RALGPS1: variants seen among roughly 807,000 people sequenced by gnomAD.
The protein encoded by RALGPS1 is ras-specific guanine nucleotide-releasing factor RalGPS1.
In RALGPS1, 19 loss-of-function variants were observed where a neutral mutation model predicts 78.8. The observed-to-expected ratio is 0.24, with a 90% confidence interval of 0.17 to 0.35. The LOEUF (loss-of-function observed/expected upper bound fraction) is 0.35. RALGPS1 is among the 10% of genes least tolerant of loss of function. RALGPS1 has a pLI of 1.00. For missense variants in RALGPS1, 454 were observed against 688.3 expected, an observed-to-expected ratio of 0.66 and a Z score of 3.81; for synonymous variants, 228 against 256.3, an observed-to-expected ratio of 0.89 and a Z score of 1.06.
intron 2 of RALGPS1, among the ~76,000 whole-genome samples, chr9:126,965,550 C>G (rs992523413): frequency 1.3e-5 from 2 of 152,202 alleles, no homozygotes; most frequent in African/African-American, 4.8e-5. Context: ...TACTTTCTGG[C>G]TTTCCCTTTC....
intron 5 of RALGPS1, 79 bp from the exon 6 acceptor site, chr9:127,049,964 C>T: frequency 5.8e-6 from 6 of 1,032,246 alleles, no homozygotes; most frequent in Non-Finnish European, 4.6e-6. Context: ...CAGCGGTGGG[C>T]AAGGGGGACA....
At position 127,175,887 on chromosome 9, in the gene RALGPS1, ACT is replaced by A. The variant is rs547399973; in HGVS notation, c.910+1110_910+1111del. Among the ~76,000 whole-genome samples, 14 of 151,514 alleles carry A rather than the reference ACT, an allele frequency of 9.2e-5. No individual in the cohort carries two copies. The South Asian group carries it at 2.7e-3, about 30-fold the overall frequency. On this transcript the variant is annotated intron_variant, in intron 11 of 18. Transcript: ENST00000259351. ...TTGACCTGCTCAAGCCACTCTCCCCACTCTCTGGTGCCAGGCCAACCTCTGTA... is the reference window on the plus strand; with the variant it reads ...TTGACCTGCTCAAGCCACTCTCCCCACTCTGGTGCCAGGCCAACCTCTGTA...
At chr9:127,108,815 C>G in intron 8 of RALGPS1, 1 of 1,382,924 alleles carries the variant, frequency 7.2e-7, no homozygotes, top group Non-Finnish European at 9.7e-7. Context: ...CAGTGATGGT[C>G]CCACCACTGT....
chr9:127,011,917 A>G (rs2044381409), intron 4 of RALGPS1, among the ~76,000 whole-genome samples: 1 of 152,186 alleles, frequency 6.6e-6, no homozygotes, highest in African/African-American at 2.4e-5. Context: ...AAGAAGCCAG[A>G]TTATTTTATG....
At chr9:127,190,478 C>A (rs567039969) in intron 11 of RALGPS1, among the ~76,000 whole-genome samples, 1 of 152,112 alleles carries the variant, frequency 6.6e-6, no homozygotes, top group Non-Finnish European at 1.5e-5. Flanking sequence ...TGCACACCAC[C>A]GTACTGGACT....
chr9:127,076,901 G>C (rs2050727070), intron 8 of RALGPS1, among the ~76,000 whole-genome samples: 1 of 152,248 alleles, frequency 6.6e-6, no homozygotes, highest in Non-Finnish European at 1.5e-5. Flanking sequence ...GAAGAGGTGG[G>C]AAGTGAGCAT....
chr9:127,134,558 C>A (rs1039432153), intron 8 of RALGPS1, among the ~76,000 whole-genome samples: 1 of 152,208 alleles, frequency 6.6e-6, no homozygotes, highest in Non-Finnish European at 1.5e-5. Context: ...CATCATGCCT[C>A]ACCATAGGTA....
At chr9:127,108,031 A>G (rs2054392576) in intron 8 of RALGPS1, 17 of 1,514,480 alleles carry the variant, frequency 1.1e-5, no homozygotes, top group Admixed American at 3.6e-5. Context: ...GATCTGGTTG[A>G]TGATGCGGTT....
At chr9:127,139,344 G>A (rs1028943898) in intron 8 of RALGPS1, among the ~76,000 whole-genome samples, 1 of 152,204 alleles carries the variant, frequency 6.6e-6, no homozygotes, top group Non-Finnish European at 1.5e-5. Flanking sequence ...CCCAGGTCAG[G>A]CCACCCCATC....
At chr9:127,094,995 C>T (rs982167354) in intron 8 of RALGPS1, among the ~76,000 whole-genome samples, 1 of 152,224 alleles carries the variant, frequency 6.6e-6, no homozygotes, top group African/African-American at 2.4e-5. Flanking sequence ...TCTGGACAGG[C>T]TGGGGCCTTT....
intron 8 of RALGPS1, among the ~76,000 whole-genome samples, chr9:127,101,481 T>TC (rs1388885118): frequency 6.6e-6 from 1 of 152,106 alleles, no homozygotes; most frequent in Admixed American, 6.6e-5. Flanking sequence ...CATCCTTCAA[T>TC]CCTCTATCCT....
chr9:126,963,002 C>G (rs1489243762), intron 2 of RALGPS1, among the ~76,000 whole-genome samples: 1 of 152,160 alleles, frequency 6.6e-6, no homozygotes, highest in Non-Finnish European at 1.5e-5. Context: ...GGTAACCTGC[C>G]AAAAAGTCAC....
intron 8 of RALGPS1, 183 bp downstream of exon 8, chr9:127,069,539 A>G: frequency 1.7e-6 from 1 of 604,762 alleles, no homozygotes; most frequent in Non-Finnish European, 2.8e-6. Context: ...AACCTGGATT[A>G]GGGTGATATA....
At chr9:126,999,950 A>T (rs1034354692) in intron 4 of RALGPS1, among the ~76,000 whole-genome samples, 1 of 152,162 alleles carries the variant, frequency 6.6e-6, no homozygotes, top group Admixed American at 6.5e-5. Flanking sequence ...TGTGTTTTTC[A>T]TTGAGCCTGT....
intron 8 of RALGPS1, among the ~76,000 whole-genome samples, chr9:127,156,591 A>G (rs1302484653): frequency 6.6e-6 from 1 of 152,184 alleles, no homozygotes; most frequent in African/African-American, 2.4e-5. Flanking sequence ...ATCTTTTGTA[A>G]CATTATTTGC....
At chr9:127,135,381 C>T (rs561330606) in intron 8 of RALGPS1, among the ~76,000 whole-genome samples, 65 of 152,278 alleles carry the variant, frequency 4.3e-4, no homozygotes, top group Middle Eastern at 3.4e-3. Context: ...TGTGAAGGGG[C>T]ACAGAGGCTG....
At chr9:127,093,964 C>T (rs1344546614) in intron 8 of RALGPS1, 1 of 1,596,954 alleles carries the variant, frequency 6.3e-7, no homozygotes. Flanking sequence ...ACAGACCTGC[C>T]TGTCACCAGG....
At chr9:126,956,056 T>A (rs566911405) in intron 1 of RALGPS1, among the ~76,000 whole-genome samples, 34 of 152,344 alleles carry the variant, frequency 2.2e-4, no homozygotes, top group African/African-American at 7.0e-4. Flanking sequence ...CTGACCAGAC[T>A]GTCCCTGCAT....
chr9:127,121,710 G>C (rs2056106432), intron 8 of RALGPS1, among the ~76,000 whole-genome samples: 1 of 152,228 alleles, frequency 6.6e-6, no homozygotes, highest in Non-Finnish European at 1.5e-5. Flanking sequence ...GGAGACCCGG[G>C]GTACCATCCA....
Sources: gnomAD v4.1 joint callset for allele counts (sites outside exome capture counted in the v4.1 genomes callset) on GRCh38, gnomAD v4.1.1 for gene constraint, MANE v1.5 for transcripts, NCBI Gene and HGNC (gene_info 2026-07-23, HGNC 2026-07-21) for gene names.